Variants in KCNMA1 observed in about 807,000 individuals in gnomAD.
The protein encoded by KCNMA1 is Calcium-activated potassium channel subunit alpha-1.
A neutral mutation model predicts 140.0 loss-of-function variants in KCNMA1; 29 were observed. That is an observed-to-expected ratio of 0.21 (90% CI 0.15 to 0.28). KCNMA1 has a LOEUF of 0.28. Ranked by LOEUF, KCNMA1 falls within the 10% of genes least tolerant of loss-of-function variation. The pLI is 1.00. For synonymous variants in KCNMA1, 612 were observed against 611.9 expected (o/e 1.00, Z 0.00); for missense variants, 880 against 1,602.2 (o/e 0.55, Z 7.70).
rs539432834 is a variant in KCNMA1 at position 77,399,506 on chromosome 10, T to A, written c.540+4356A>T. Among the ~76,000 whole-genome samples the A allele has an allele frequency of 2.0e-5, 3 of 152,326 alleles. 1 individual carries two copies. The South Asian group carries it at 6.2e-4, about 32-fold the overall frequency. On this transcript the variant is annotated intron_variant, in intron 2 of 27. Transcript: ENST00000286628. ...GCCTGGTGTTCACTTTAATGTAGAA[T>A]CCCTCAGCCACGTGCTCCAAGAGAA...
chr10:76,979,736 T>C (rs1301128867), intron 19 of KCNMA1: 1 of 152,216 alleles, frequency 6.6e-6, no homozygotes, highest in Non-Finnish European at 1.5e-5. Context: ...TATCTTCCAT[T>C]GAGCCAATGG....
chr10:77,287,100 C>A (rs1344270763), intron 2 of KCNMA1, among the ~76,000 whole-genome samples: 1 of 152,228 alleles, frequency 6.6e-6, no homozygotes, highest in African/African-American at 2.4e-5. Context: ...AATCAGCCTG[C>A]TCAGCAAATC....
intron 2 of KCNMA1, among the ~76,000 whole-genome samples, chr10:77,362,177 C>T (rs537827233): frequency 7.2e-5 from 11 of 152,258 alleles, no homozygotes; most frequent in Middle Eastern, 3.4e-3. Context: ...AGCCACACTG[C>T]CCCTGCATCA....
At chr10:76,973,022 A>G (rs1488921582) in intron 19 of KCNMA1, 1 of 152,256 alleles carries the variant, frequency 6.6e-6, no homozygotes, top group Admixed American at 6.5e-5. Flanking sequence ...AATGGAATTA[A>G]AAGGGAGACT....
In KCNMA1 at chr10:77,193,178, G is replaced by A. The variant is rs118002679; in HGVS notation, c.603-8262C>T. Among the ~76,000 whole-genome samples the A allele has an allele frequency of 2.9e-4, 44 of 152,178 alleles. No homozygotes were observed. In the East Asian group the frequency reaches 7.7e-3, roughly 27 times the overall value. The stretch of plus-strand genomic sequence containing the variant: ...TGTAAGTTTTCTTCTCTAAGAGCAC[G>A]TACTTTTTCACTGTTACACTTTTGG... On this transcript the variant is annotated intron_variant, in intron 3 of 27. Coordinates refer to ENST00000286628, the MANE Select transcript of KCNMA1 (RefSeq NM_001161352.2).
At chr10:76,947,276 G>A (rs937010061) in intron 22 of KCNMA1, among the ~76,000 whole-genome samples, 4 of 152,158 alleles carry the variant, frequency 2.6e-5, no homozygotes, top group African/African-American at 4.8e-5. Context: ...GGTGAAGGTT[G>A]CAGTGAGCCG....
intron 1 of KCNMA1, among the ~76,000 whole-genome samples, chr10:77,473,664 C>G (rs1372519592): frequency 6.6e-6 from 1 of 152,038 alleles, no homozygotes; most frequent in East Asian, 1.9e-4. Context: ...GGACAGACAT[C>G]GGGGGAAGGG....
intron 1 of KCNMA1, among the ~76,000 whole-genome samples, chr10:77,606,366 T>A (rs915775502): frequency 6.6e-6 from 1 of 152,152 alleles, no homozygotes; most frequent in Non-Finnish European, 1.5e-5. Context: ...GCACAGTGGC[T>A]CACACCTGTA....
chr10:76,963,049 A>G (rs2072357912), intron 20 of KCNMA1, among the ~76,000 whole-genome samples: 1 of 152,226 alleles, frequency 6.6e-6, no homozygotes, highest in South Asian at 2.1e-4. Context: ...GTCTCTAACC[A>G]GTCAAGGCTG....
intron 1 of KCNMA1, among the ~76,000 whole-genome samples, chr10:77,447,080 C>G (rs944128695): frequency 2.0e-5 from 3 of 152,210 alleles, no homozygotes. Context: ...CAAACAGCCC[C>G]CAGCTGTCGG....
intron 2 of KCNMA1, among the ~76,000 whole-genome samples, chr10:77,353,523 T>C (rs1044061216): frequency 6.6e-6 from 1 of 152,022 alleles, no homozygotes; most frequent in Non-Finnish European, 1.5e-5. Flanking sequence ...CTATAAGATA[T>C]GTCTATCTAT....
rs113468673 is a variant in KCNMA1, at chr10:77,069,091, G to C, written c.1749+4006C>G. On this transcript the variant is annotated intron_variant, in intron 14 of 27. Coordinates refer to ENST00000286628, the MANE Select transcript of KCNMA1 (RefSeq NM_001161352.2). ...CATCCAAGTGAGGAAGCCAAGTAGA[G>C]AGTAAGTGTGGCCACTTATTCAGGG... Among the ~76,000 whole-genome samples the C allele has an allele frequency of 3.9e-5, 6 of 152,310 alleles. 1 individual carries two copies. Among genetic ancestry groups the C allele is most frequent in the African/African-American group, 7.2e-5 (3 of 41,576 alleles).
At chr10:76,942,652 T>A (rs2062842039) in intron 23 of KCNMA1, among the ~76,000 whole-genome samples, 1 of 152,164 alleles carries the variant, frequency 6.6e-6, no homozygotes, top group Admixed American at 6.5e-5. Flanking sequence ...TTAAGAGAAC[T>A]GGAAGGAACA....
intron 1 of KCNMA1, chr10:77,634,637 A>G: frequency 2.0e-6 from 2 of 985,422 alleles, no homozygotes; most frequent in Non-Finnish European, 2.4e-6. Context: ...GAGGGCTGGT[A>G]GAATTTTCTG....
intron 3 of KCNMA1, among the ~76,000 whole-genome samples, chr10:77,228,337 G>A (rs1359424325): frequency 6.6e-6 from 1 of 152,080 alleles, no homozygotes; most frequent in Non-Finnish European, 1.5e-5. Context: ...TCGGTTTCCT[G>A]GTAGCCAATC....
At chr10:77,591,005 G>C (rs140341440) in intron 1 of KCNMA1, among the ~76,000 whole-genome samples, 5 of 152,300 alleles carry the variant, frequency 3.3e-5, no homozygotes, top group Middle Eastern at 3.4e-3. Flanking sequence ...TAGAGCCACG[G>C]AGCTCAACAG....
intron 2 of KCNMA1, among the ~76,000 whole-genome samples, chr10:77,289,057 C>G (rs543665191): frequency 3.2e-4 from 48 of 152,322 alleles, no homozygotes; most frequent in African/African-American, 1.1e-3. Flanking sequence ...CCCTGCCTAG[C>G]AGCAATGACA....
chr10:77,179,954 C>A (rs2098789930), intron 5 of KCNMA1, among the ~76,000 whole-genome samples: 2 of 152,188 alleles, frequency 1.3e-5, no homozygotes, highest in African/African-American at 4.8e-5. Context: ...TGAATATATT[C>A]TGTACTATAC....
intron 20 of KCNMA1, among the ~76,000 whole-genome samples, chr10:76,969,199 G>A (rs2075126485): frequency 6.8e-6 from 1 of 146,882 alleles, no homozygotes; most frequent in Non-Finnish European, 1.5e-5. Context: ...GACTTCACTT[G>A]CTATTTACCA....
Sources: gnomAD v4.1 joint callset for allele counts (sites outside exome capture counted in the v4.1 genomes callset) on GRCh38, gnomAD v4.1.1 for gene constraint, MANE v1.5 for transcripts, NCBI Gene and HGNC (gene_info 2026-07-23, HGNC 2026-07-21) for gene names.